KASH5: variants seen among roughly 807,000 people sequenced by gnomAD.
The protein encoded by KASH5 is KASH domain containing 5, also known as protein KASH5.
KASH5 carries 72 observed loss-of-function variants against 84.2 expected under a neutral mutation model. The observed-to-expected ratio is 0.85, with a 90% CI of 0.71 to 1.04. KASH5 has a LOEUF of 1.04. Ranked by LOEUF, KASH5 falls within the 50% of genes least tolerant of loss-of-function variation. The pLI, the probability that KASH5 is intolerant of heterozygous loss-of-function variation, is 0.00. For synonymous variants in KASH5, 260 were observed against 279.1 expected, an observed-to-expected ratio of 0.93 and a Z score of 0.68; for missense variants, 650 against 701.0, an observed-to-expected ratio of 0.93 and a Z score of 0.82.
At chr19:49,397,759 C>T (rs1974228674) in intron 6 of KASH5, 42 bp downstream of exon 6, 1 of 1,598,414 alleles carries the variant, frequency 6.3e-7, no homozygotes, top group Non-Finnish European at 8.6e-7. Context: ...CTGCCCACAC[C>T]CTGTCCCCTC....
intron 9 of KASH5, among the ~76,000 whole-genome samples, chr19:49,402,359 G>A (rs999929490): frequency 1.2e-4 from 18 of 151,604 alleles, no homozygotes; most frequent in African/African-American, 4.4e-4. Context: ...ACCAACCTAG[G>A]CAACATAGTG....
chr19:49,400,353 C>CTTTTTTTTTTTTTT (rs36066335), intron 9 of KASH5, among the ~76,000 whole-genome samples: 3 of 124,216 alleles, frequency 2.4e-5, no homozygotes, highest in African/African-American at 3.1e-5. Flanking sequence ...CTTTTAGTTT[C>CTTTTTTTTTTTTTT]TTTTTTTTTT....
chr19:49,408,224 ATCTTTATGTG>A (rs539447636), intron 12 of KASH5: 152 of 168,068 alleles, frequency 9.0e-4, no homozygotes, highest in Non-Finnish European at 1.6e-3. Context: ...TCCCCTCCTT[ATCTTTATGTG>A]TCTCTGCGAG....
chr19:49,411,237 T>G (rs60241830), intron 15 of KASH5, among the ~76,000 whole-genome samples: 3,957 of 150,298 alleles, frequency 0.026, 142 homozygotes, highest in African/African-American at 0.078. Context: ...TGCTCTGGGC[T>G]CTCTCTCTAT....
Position 49,409,191 on chromosome 19 carries a change from G to A in KASH5, c.1059-5G>A, listed in dbSNP as rs749130980. On this transcript the variant is annotated splice_polypyrimidine_tract_variant and splice_region_variant and intron_variant, in intron 13 of 19. Transcript: ENST00000447857. The stretch of plus-strand genomic sequence containing the variant: ...CATCTTCCTCCCTCCTTCCTGTGTG[G>A]CCAGGCTACCTGAAGGGGCCCAGCT... The A allele has an allele frequency of 7.8e-5, 126 of 1,612,684 alleles. 1 individual carries two copies. Among genetic ancestry groups the A allele is most frequent in the Non-Finnish European group, 9.8e-5 (116 of 1,179,022 alleles).
chr19:49,397,671 C>G lies in KASH5; in HGVS notation c.421C>G (p.Pro141Ala), dbSNP rs1974225028. ...TCCAGGATGCCCAGAAGCTGAGGAG[C>G]CAGCCAACCTGGAGAGCTTCGGAGG... The part of the protein sequence containing the change: ...LPSGCPEAEE[P>A]ANLESFGGED... The change falls in exon 6 of 20, where the codon CCA (proline) becomes GCA (alanine). Residue 141 changes from proline (P) to alanine (A), a missense_variant. Transcript: ENST00000447857. The G allele has an allele frequency of 6.2e-7, 1 of 1,613,844 alleles. No homozygotes were observed. Among genetic ancestry groups the G allele is most frequent in the East Asian group, 2.2e-5 (1 of 44,854 alleles).
chr19:49,402,903 G>T (rs11668208), intron 9 of KASH5, among the ~76,000 whole-genome samples: 30,738 of 144,868 alleles, frequency 0.21, 3,468 homozygotes, highest in Non-Finnish European at 0.25. Context: ...TTAACCAGAG[G>T]TTTAGAAGAA....
At chr19:49,406,147 T>C (rs1253830430) in intron 9 of KASH5, among the ~76,000 whole-genome samples, 1 of 128,832 alleles carries the variant, frequency 7.8e-6, no homozygotes, top group East Asian at 2.2e-4. Context: ...AAAAAAAAAA[T>C]CTGGAGGAGA....
At chr19:49,397,096 C>T (rs1974205951) in intron 5 of KASH5, among the ~76,000 whole-genome samples, 1 of 151,528 alleles carries the variant, frequency 6.6e-6, no homozygotes, top group Admixed American at 6.6e-5. Flanking sequence ...TTCCATTTCT[C>T]TAGCCATACA....
At chr19:49,388,970 C>T (rs2146830972) in intron 1 of KASH5, among the ~76,000 whole-genome samples, 1 of 152,108 alleles carries the variant, frequency 6.6e-6, no homozygotes. Flanking sequence ...AGAAGTCCAT[C>T]AAAGACACCC....
chr19:49,415,093 C>A, intron 17 of KASH5, 97 bp downstream of exon 17: 2 of 1,166,338 alleles, frequency 1.7e-6, no homozygotes, highest in Non-Finnish European at 2.5e-6. Flanking sequence ...CCTCACACTC[C>A]AACTCCTCAG....
Position 49,417,194 on chromosome 19 carries a change from CT to C in KASH5, c.1476del (p.Val493Ter). 6.2e-7 allele frequency: 1 copy of C among 1,613,936 alleles called. No homozygotes were observed. On this transcript the variant is annotated frameshift_variant, in exon 19 of 20. Transcript: ENST00000447857. LOFTEE classifies it high-confidence loss of function. This position sits in a 1 kb window ranked among gnomAD's most constrained non-coding sequence, Gnocchi z 5.2. Reference sequence around the variant, plus strand: ...CGGGAACTCCAGCAAGCCCTGGTGCCTGTGATGAAAAAGCTGGTCCCAGTCA... The same window carrying C: ...CGGGAACTCCAGCAAGCCCTGGTGCCGTGATGAAAAAGCTGGTCCCAGTCA... ...ARRELQQALV[P>X]VMKKLVPVRR... is the part of the protein sequence containing the mutation.
In KASH5 at chr19:49,395,045, C is replaced by A; in HGVS notation, c.149-61C>A. 7.4e-7 allele frequency: 1 copy of A among 1,347,702 alleles called. No individual in the cohort carries two copies. The highest frequency in any genetic ancestry group is 1.0e-6 in the Non-Finnish European group (1 of 999,772). 83.5% of individuals were successfully genotyped at this position (1,347,702 alleles called of 1,614,324 possible). ...GTGACATCCTGGTCCCAAGCTGCTG[C>A]CAGTCCATACCCATCACTCCCCACC... is the stretch of plus-strand genomic sequence containing the variant. On this transcript the variant is annotated intron_variant, in intron 3 of 19. Coordinates refer to ENST00000447857, the MANE Select transcript of KASH5 (RefSeq NM_144688.5). This position sits in a 1 kb window ranked among gnomAD's most constrained non-coding sequence, Gnocchi z 4.4.
chr19:49,407,009 C>T, intron 10 of KASH5, 46 bp downstream of exon 10: 2 of 1,526,098 alleles, frequency 1.3e-6, no homozygotes, highest in Non-Finnish European at 1.8e-6. Flanking sequence ...CACCCCGGGG[C>T]CATTTTTCCC....
At position 49,409,045 on chromosome 19, in the gene KASH5, C is replaced by T. The variant is rs746039274; in HGVS notation, c.1058+14C>T. 29 of 1,587,240 alleles carry T rather than the reference C, an allele frequency of 1.8e-5. No homozygotes were observed. Among genetic ancestry groups the T allele is most frequent in the Non-Finnish European group, 2.4e-5 (28 of 1,167,094 alleles). ...GGGGCCCGATGAGTGAGTGGAATTTCAAGGGGTAGGAGGAGGCAGGAGGGG... is the reference window on the plus strand; with the variant it reads ...GGGGCCCGATGAGTGAGTGGAATTTTAAGGGGTAGGAGGAGGCAGGAGGGG... On this transcript the variant is annotated intron_variant, in intron 13 of 19. Coordinates refer to ENST00000447857, the MANE Select transcript of KASH5 (RefSeq NM_144688.5).
rs892017561 is a variant in KASH5 at position 49,416,725 on chromosome 19, C to T, written c.1375-290C>T. On this transcript the variant is annotated intron_variant, in intron 17 of 19. Transcript: ENST00000447857. This position sits in a 1 kb window ranked among gnomAD's most constrained non-coding sequence, Gnocchi z 5.4. The stretch of plus-strand genomic sequence containing the variant: ...CAGGCGCTGTCCAAGCTATTGCCCC[C>T]GCCTTTTTTTTCCTACATTCACTCA... Among the ~76,000 whole-genome samples the T allele has an allele frequency of 1.2e-4, 19 of 152,286 alleles. 1 individual carries two copies. Among genetic ancestry groups the T allele is most frequent in the Admixed American group, 1.1e-3 (17 of 15,296 alleles).
chr19:49,393,877 C>G (rs1974086126), intron 2 of KASH5: 1 of 152,918 alleles, frequency 6.5e-6, no homozygotes, highest in African/African-American at 2.4e-5. Context: ...ACTGATCCAG[C>G]TCATAACCAT....
Position 49,411,918 on chromosome 19 carries a change from G to A in KASH5, c.1270-1050G>A, listed in dbSNP as rs28628516. On this transcript the variant is annotated intron_variant, in intron 15 of 19. Transcript: ENST00000447857. ...ATGGAAGGAGGGAGGGAGGGAAGGA[G>A]GGAAGGAAGGAAGGAAGGAAGGAAG... Among the ~76,000 whole-genome samples, 15 of 128,252 alleles carry A rather than the reference G, an allele frequency of 1.2e-4. No homozygotes were observed. The East Asian group carries it at 2.6e-3, about 22-fold the overall frequency. 84.1% of individuals were successfully genotyped at this position (128,252 alleles called of 152,430 possible). A position where few individuals can be genotyped will look rare whatever the true frequency, so the allele number is the denominator to read the frequency against.
rs201400680 is a variant in KASH5 at position 49,417,280 on chromosome 19, C to T, written c.1547+14C>T. The T allele has an allele frequency of 4.7e-5, 75 of 1,606,812 alleles. No homozygotes were observed. The African/African-American group carries it at 4.7e-4, about 10-fold the overall frequency. ...ACAGCGGCTCAGGTGTGCCCCCAGG[C>T]GTCTCCAGAAGGAAGGAGGTGGTCT... On this transcript the variant is annotated intron_variant, in intron 19 of 19. Coordinates refer to ENST00000447857, the MANE Select transcript of KASH5 (RefSeq NM_144688.5). This position sits in a 1 kb window ranked among gnomAD's most constrained non-coding sequence, Gnocchi z 5.2.
Sources: gnomAD v4.1 joint callset for allele counts (sites outside exome capture counted in the v4.1 genomes callset) on GRCh38, gnomAD v4.1.1 for gene constraint, Gnocchi (gnomAD v3.1) non-coding constraint, MANE v1.5 for transcripts, NCBI Gene and HGNC (gene_info 2026-07-23, HGNC 2026-07-21) for gene names.